CELF2: variants seen among roughly 807,000 people sequenced by gnomAD.
CELF2 encodes the protein CUG triplet repeat RNA-binding protein 2.
CELF2 carries 8 observed loss-of-function variants against 62.6 expected under a neutral mutation model. The observed-to-expected ratio is 0.13, with a 90% CI of 0.07 to 0.23. CELF2 has a LOEUF of 0.23. CELF2 is among the 10% of genes least tolerant of loss of function. The probability of loss-of-function intolerance (pLI) is 1.00; values close to 1 mark genes in which losing one functional copy is unlikely to be tolerated. For missense variants in CELF2, 333 were observed against 671.0 expected (o/e 0.50, Z 5.56); for synonymous variants, 258 against 250.0 (o/e 1.03, Z -0.30).
the CELF2 span, among the ~76,000 whole-genome samples, chr10:10,713,572 T>C: frequency 6.6e-6 from 1 of 152,240 alleles, no homozygotes; most frequent in Non-Finnish European, 1.5e-5. Flanking sequence ...TTCGGTGATT[T>C]TGATATATGA....
At chr10:11,281,525 A>G (rs768225198) in intron 8 of CELF2, among the ~76,000 whole-genome samples, 9 of 152,132 alleles carry the variant, frequency 5.9e-5, no homozygotes, top group Non-Finnish European at 1.0e-4. Flanking sequence ...TTTGGGAGGC[A>G]GAAGCAGGCA....
At chr10:11,218,977 C>G (rs940468866) in intron 3 of CELF2, among the ~76,000 whole-genome samples, 8 of 152,090 alleles carry the variant, frequency 5.3e-5, no homozygotes, top group African/African-American at 1.7e-4. Context: ...CTAATCAAAC[C>G]CAAAGACCAC....
chr10:10,938,855 T>C lies in CELF2; in HGVS notation c.89+18856T>C, dbSNP rs1413950963. ...CGAGGGACGCAGAAGCAGCTGTCTT[T>C]TTCCATCTGCCCTGCCTCTTGCTAG... On this transcript the variant is annotated intron_variant, in intron 2 of 13. Transcript: ENST00000636488. This position sits in a 1 kb window ranked among gnomAD's most constrained non-coding sequence, Gnocchi z 4.2. 2.6e-5 allele frequency among the ~76,000 whole-genome samples: 4 copies of C among 152,206 alleles called. No individual in the cohort carries two copies. Among genetic ancestry groups the C allele is most frequent in the Non-Finnish European group, 5.9e-5 (4 of 68,036 alleles).
intron 9 of CELF2, among the ~76,000 whole-genome samples, chr10:11,294,459 G>A (rs751188886): frequency 5.9e-5 from 9 of 152,152 alleles, no homozygotes; most frequent in Non-Finnish European, 7.4e-5. Flanking sequence ...AGCCTTTACC[G>A]TCCTCTTTTT....
At chr10:11,199,745 A>C (rs2058790436) in intron 2 of CELF2, among the ~76,000 whole-genome samples, 1 of 152,196 alleles carries the variant, frequency 6.6e-6, no homozygotes, top group South Asian at 2.1e-4. Context: ...AATTTTTTTT[A>C]TTCTATGCAA....
At chr10:10,603,415 A>G in the CELF2 span, among the ~76,000 whole-genome samples, 1 of 152,200 alleles carries the variant, frequency 6.6e-6, no homozygotes, top group Admixed American at 6.5e-5. Flanking sequence ...GAATGAATGA[A>G]CAGCTGAGGA....
At chr10:11,158,439 C>T (rs544751714) in intron 1 of CELF2, among the ~76,000 whole-genome samples, 77 of 152,174 alleles carry the variant, frequency 5.1e-4, no homozygotes, top group Middle Eastern at 3.4e-3. Flanking sequence ...TCTAGAACAC[C>T]TACCTCTCCC....
the CELF2 span, among the ~76,000 whole-genome samples, chr10:10,747,361 A>G: frequency 4.6e-5 from 7 of 152,210 alleles, no homozygotes; most frequent in African/African-American, 9.7e-5. Flanking sequence ...GCTTTCTTGG[A>G]GTTTTCAGTC....
chr10:10,512,063 G>A, the CELF2 span, among the ~76,000 whole-genome samples: 1 of 152,200 alleles, frequency 6.6e-6, no homozygotes, highest in African/African-American at 2.4e-5. Context: ...GAAGGACTAT[G>A]AGGATCTGGC....
At chr10:10,645,289 C>T in the CELF2 span, among the ~76,000 whole-genome samples, 1 of 152,192 alleles carries the variant, frequency 6.6e-6, no homozygotes, top group African/African-American at 2.4e-5. Context: ...CTCCACCCTA[C>T]TCACATAGGC....
At chr10:10,832,884 T>A (rs1304069030) in intron 1 of CELF2, among the ~76,000 whole-genome samples, 1 of 152,078 alleles carries the variant, frequency 6.6e-6, no homozygotes, top group Non-Finnish European at 1.5e-5. Context: ...ATAAGATGCT[T>A]CTGTTATGAA....
intron 2 of CELF2, among the ~76,000 whole-genome samples, chr10:10,945,697 G>A (rs1323222225): frequency 9.2e-5 from 14 of 152,166 alleles, no homozygotes; most frequent in Non-Finnish European, 1.2e-4. Context: ...GTAGTAAATG[G>A]TGTCGCTGAC....
intron 1 of CELF2, among the ~76,000 whole-genome samples, chr10:11,163,964 C>G (rs1242941627): frequency 2.0e-5 from 3 of 152,208 alleles, no homozygotes; most frequent in Admixed American, 1.3e-4. Context: ...AAGTAGCTCT[C>G]TGTAAGATCT....
chr10:11,303,382 T>G (rs1875594), intron 9 of CELF2, among the ~76,000 whole-genome samples: 1 of 152,042 alleles, frequency 6.6e-6, no homozygotes. Context: ...GCTGCAAAAT[T>G]AGTCATCCAT....
chr10:10,550,582 G>A, the CELF2 span, among the ~76,000 whole-genome samples: 1 of 152,186 alleles, frequency 6.6e-6, no homozygotes, highest in African/African-American at 2.4e-5. Context: ...GTAATGAGGT[G>A]TGATCTCTGA....
the CELF2 span, among the ~76,000 whole-genome samples, chr10:10,640,223 G>A: frequency 6.6e-6 from 1 of 152,296 alleles, no homozygotes; most frequent in South Asian, 2.1e-4. Flanking sequence ...CTTTGCATCT[G>A]TGAGCCTCTA....
chr10:10,465,584 A>C, the CELF2 span, among the ~76,000 whole-genome samples: 1 of 152,132 alleles, frequency 6.6e-6, no homozygotes, highest in Non-Finnish European at 1.5e-5. Flanking sequence ...TAAAATAAAA[A>C]TGGGCAGGAA....
rs549220109 is a variant in CELF2, at chr10:11,321,259, G to A, written c.1167G>A (p.Thr389=). Reference sequence around the variant, plus strand: ...GCGCCACAGGCTTGACGAATGGCACGGCTGGCACCATGGACGCCCTCACCC... The same window carrying A: ...GCGCCACAGGCTTGACGAATGGCACAGCTGGCACCATGGACGCCCTCACCC... ...GLGATGLTNG[T]AGTMDALTQA... is the part of the protein sequence containing the mutation. The change falls in exon 11 of 13, where the codon ACG becomes ACA. Residue 389 remains threonine, a synonymous_variant. Transcript: ENST00000633077. The surrounding 1 kb of genome is among the most constrained non-coding windows in gnomAD (Gnocchi z 6.2). The A allele has an allele frequency of 2.5e-5, 41 of 1,614,024 alleles. No individual in the cohort carries two copies. The Middle Eastern group carries it at 4.9e-4, about 19-fold the overall frequency.
chr10:10,617,931 C>T, the CELF2 span, among the ~76,000 whole-genome samples: 3 of 152,096 alleles, frequency 2.0e-5, 1 homozygote, highest in East Asian at 5.8e-4. Flanking sequence ...CCAGAAAGCA[C>T]AAGGCTCTAA....
Sources: gnomAD v4.1 joint callset for allele counts (sites outside exome capture counted in the v4.1 genomes callset) on GRCh38, gnomAD v4.1.1 for gene constraint, Gnocchi (gnomAD v3.1) non-coding constraint, MANE v1.5 for transcripts, NCBI Gene and HGNC (gene_info 2026-07-23, HGNC 2026-07-21) for gene names.